The following DYNC2LI1 variants were observed in gnomAD, a reference collection of about 807,000 sequenced individuals.
DYNC2LI1 encodes cytoplasmic dynein 2 light intermediate chain 1.
Under a neutral mutation model 51.9 loss-of-function variants are expected in DYNC2LI1, and 45 were observed. The ratio of observed to expected loss-of-function variants is 0.87; its 90% CI spans 0.68 to 1.11. The LOEUF is 1.11. DYNC2LI1 is among the 50% of genes most tolerant of loss of function. DYNC2LI1 has a pLI of 0.00. For missense variants in DYNC2LI1, 490 were observed against 417.4 expected, an observed-to-expected ratio of 1.17 and a Z score of -1.51; for synonymous variants, 130 against 137.8, an observed-to-expected ratio of 0.94 and a Z score of 0.40.
chr2:43,786,333 G>A (rs1050503975), intron 3 of DYNC2LI1, among the ~76,000 whole-genome samples: 17 of 152,072 alleles, frequency 1.1e-4, no homozygotes, highest in Non-Finnish European at 2.1e-4. Context: ...TGAGTAGTTG[G>A]GACTACAGAC....
intron 10 of DYNC2LI1, among the ~76,000 whole-genome samples, chr2:43,803,517 A>G (rs1025218347): frequency 2.6e-5 from 4 of 152,214 alleles, no homozygotes; most frequent in African/African-American, 4.8e-5. Context: ...GGGCAGGGAT[A>G]GAACTATGGA....
the DYNC2LI1 span, among the ~76,000 whole-genome samples, chr2:43,817,643 C>G: frequency 6.6e-6 from 1 of 152,084 alleles, no homozygotes; most frequent in Non-Finnish European, 1.5e-5. Flanking sequence ...GACGCGGTGG[C>G]TCACGTCTAT....
intron 2 of DYNC2LI1, among the ~76,000 whole-genome samples, chr2:43,781,019 G>C (rs1303225783): frequency 6.6e-6 from 1 of 152,108 alleles, no homozygotes; most frequent in Non-Finnish European, 1.5e-5. Context: ...ATTAGTTTAT[G>C]TTAATTTGGA....
intron 2 of DYNC2LI1, among the ~76,000 whole-genome samples, chr2:43,779,731 C>G (rs1234436377): frequency 6.6e-6 from 1 of 152,130 alleles, no homozygotes; most frequent in Admixed American, 6.5e-5. Context: ...CTAAGATGAT[C>G]AAGAAAAATG....
At chr2:43,804,405 G>A (rs1387309161) in intron 10 of DYNC2LI1, among the ~76,000 whole-genome samples, 1 of 152,196 alleles carries the variant, frequency 6.6e-6, no homozygotes, top group African/African-American at 2.4e-5. Flanking sequence ...GGTATAGGGT[G>A]TGGAGAATGA....
chr2:43,795,008 G>A (rs919697297), intron 6 of DYNC2LI1: 20 of 1,153,588 alleles, frequency 1.7e-5, no homozygotes, highest in Non-Finnish European at 2.1e-5. Flanking sequence ...ACAACTTTAA[G>A]CAAGGGGTAG....
intron 12 of DYNC2LI1, among the ~76,000 whole-genome samples, chr2:43,808,652 GA>G (rs1029227880): frequency 6.6e-6 from 1 of 152,110 alleles, no homozygotes; most frequent in African/African-American, 2.4e-5. Flanking sequence ...TACTCCTTGT[GA>G]AAAAATTCAA....
chr2:43,824,683 AGTTT>A, the DYNC2LI1 span: 5 of 971,890 alleles, frequency 5.1e-6, no homozygotes, highest in African/African-American at 1.8e-5. Context: ...GCAGTGCGCC[AGTTT>A]GTTTGAGAGA....
intron 3 of DYNC2LI1, among the ~76,000 whole-genome samples, chr2:43,786,258 GC>G (rs1673515297): frequency 6.6e-6 from 1 of 152,124 alleles, no homozygotes; most frequent in African/African-American, 2.4e-5. Flanking sequence ...GAGTGCAGTG[GC>G]ATGATCTCGG....
At chr2:43,820,036 G>C in the DYNC2LI1 span, 3 of 1,614,030 alleles carry the variant, frequency 1.9e-6, no homozygotes, top group East Asian at 2.2e-5. Flanking sequence ...CCAATTAAGT[G>C]GGGGGCCAAG....
In DYNC2LI1 at chr2:43,774,166, T is replaced by G. The variant is rs773553696; in HGVS notation, c.8+20T>G. 1.2e-6 allele frequency: 2 copies of G among 1,613,808 alleles called. No homozygotes were observed. Among genetic ancestry groups the G allele is most frequent in the East Asian group, 2.2e-5 (1 of 44,870 alleles). ...GCCCAGGTATTCCCTGAACCCGGCT[T>G]GCGTGGGAAAGGCTACTGAGAGTAT... is the stretch of plus-strand genomic sequence containing the variant. On this transcript the variant is annotated intron_variant, in intron 1 of 12. Coordinates refer to ENST00000260605, the MANE Select transcript of DYNC2LI1 (RefSeq NM_016008.4).
chr2:43,782,011 ATGTGTGTGTGTG>A (rs72178749), intron 2 of DYNC2LI1, among the ~76,000 whole-genome samples: 1 of 148,650 alleles, frequency 6.7e-6, no homozygotes, highest in African/African-American at 2.5e-5. Context: ...GTTTCTGTCT[ATGTGTGTGTGTG>A]TGTGTGTGTG....
chr2:43,785,140 G>T (rs1033864545), intron 3 of DYNC2LI1, among the ~76,000 whole-genome samples: 17 of 151,476 alleles, frequency 1.1e-4, no homozygotes, highest in African/African-American at 4.1e-4. Flanking sequence ...TGTACCAAAA[G>T]ATACAAAAAT....
chr2:43,796,551 C>A (rs1477251699), intron 7 of DYNC2LI1, among the ~76,000 whole-genome samples, 167 bp from the exon 8 acceptor site: 2 of 152,210 alleles, frequency 1.3e-5, no homozygotes, highest in East Asian at 3.9e-4. Flanking sequence ...AAGAAGGCTG[C>A]AGCTATTGTT....
At chr2:43,809,573 C>T (rs1666406505) in intron 12 of DYNC2LI1, 132 bp from the exon 13 acceptor site, 1 of 677,892 alleles carries the variant, frequency 1.5e-6, no homozygotes, top group Non-Finnish European at 2.6e-6. Flanking sequence ...AAATAATTGG[C>T]AAGAAATATT....
chr2:43,825,024 C>G, the DYNC2LI1 span: 1 of 1,613,268 alleles, frequency 6.2e-7, no homozygotes, highest in Non-Finnish European at 8.5e-7. Flanking sequence ...AAGAGCTGAC[C>G]AGACAACAGA....
chr2:43,775,530 G>A (rs1348794190), intron 1 of DYNC2LI1, among the ~76,000 whole-genome samples: 1 of 150,528 alleles, frequency 6.6e-6, no homozygotes, highest in Non-Finnish European at 1.5e-5. Flanking sequence ...ACAAGGTCTT[G>A]CTGTGTCACC....
At chr2:43,800,810 C>T (rs1339777689) in intron 8 of DYNC2LI1, 31 bp from the exon 9 acceptor site, 1 of 1,227,542 alleles carries the variant, frequency 8.1e-7, no homozygotes, top group Non-Finnish European at 1.2e-6. Flanking sequence ...GAAAATAGAG[C>T]ATGTAATTTG....
chr2:43,778,103 C>T (rs1295134846), intron 2 of DYNC2LI1, among the ~76,000 whole-genome samples: 6 of 152,076 alleles, frequency 3.9e-5, no homozygotes, highest in South Asian at 2.1e-4. Flanking sequence ...ATAAAATTAT[C>T]GTAGAGATCA....
Sources: allele counts gnomAD v4.1 joint callset (sites outside exome capture counted in the v4.1 genomes callset), GRCh38; gene constraint gnomAD v4.1.1; transcripts MANE v1.5; gene names NCBI Gene and HGNC (gene_info 2026-07-23, HGNC 2026-07-21).